The following ARHGEF18 variants were observed in gnomAD, a reference collection of about 807,000 sequenced individuals.
ARHGEF18 encodes Rho/Rac guanine nucleotide exchange factor 18.
A neutral mutation model predicts 155.7 loss-of-function variants in ARHGEF18; 93 were observed. That is an observed-to-expected ratio of 0.60 (90% CI 0.50 to 0.71). The LOEUF (loss-of-function observed/expected upper bound fraction) is 0.71, where lower values mean the gene tolerates loss of function less well. Ranked by LOEUF, ARHGEF18 falls within the 30% of genes least tolerant of loss-of-function variation. ARHGEF18 has a pLI of 0.00. For synonymous variants in ARHGEF18, 742 were observed against 753.1 expected (o/e 0.99, Z 0.24); for missense variants, 1,593 against 1,816.1 (o/e 0.88, Z 2.23).
intron 10 of ARHGEF18, chr19:7,439,669 C>G: frequency 8.4e-7 from 1 of 1,192,640 alleles, no homozygotes. Flanking sequence ...TGTTCGAGTG[C>G]TGATGACCAG....
intron 2 of ARHGEF18, among the ~76,000 whole-genome samples, chr19:7,366,380 C>G (rs936173411): frequency 6.6e-6 from 1 of 152,230 alleles, no homozygotes; most frequent in Non-Finnish European, 1.5e-5. Context: ...GCCATAGGAA[C>G]ATTTGCCATT....
chr19:7,415,176 T>G (rs1221350540), intron 10 of ARHGEF18, among the ~76,000 whole-genome samples: 2 of 152,068 alleles, frequency 1.3e-5, no homozygotes, highest in African/African-American at 4.8e-5. Flanking sequence ...TCCCATTGAA[T>G]CTCCAGGCAG....
intron 15 of ARHGEF18, among the ~76,000 whole-genome samples, chr19:7,450,723 T>C (rs372323503): frequency 2.0e-5 from 3 of 152,224 alleles, no homozygotes; most frequent in Non-Finnish European, 4.4e-5. Flanking sequence ...ATGCAAGATC[T>C]TGCTTTCCGT....
At chr19:7,420,266 AATT>A (rs1033124799) in intron 10 of ARHGEF18, among the ~76,000 whole-genome samples, 6 of 152,098 alleles carry the variant, frequency 3.9e-5, no homozygotes, top group Admixed American at 2.6e-4. Context: ...CCAGCTGAGC[AATT>A]ATTATTATTT....
chr19:7,467,294 G>A lies in ARHGEF18; in HGVS notation c.3090G>A (p.Gln1030=), dbSNP rs771587818. 1.3e-6 allele frequency: 2 copies of A among 1,544,614 alleles called. No homozygotes were observed. Among genetic ancestry groups the A allele is most frequent in the South Asian group, 1.2e-5 (1 of 84,988 alleles). ...IQEREKQFRL[Q]STRGNLLLEQ... The stretch of plus-strand genomic sequence containing the variant: ...AGCGGGAGAAGCAGTTCCGGCTGCA[G>A]TCGACGCGTGGGAACCTGCTGCTGG... Residue 1030 remains glutamine, a synonymous_variant, in exon 26 of 29, where the codon CAG becomes CAA. Transcript: ENST00000668164.
chr19:7,348,942 A>G lies in ARHGEF18; in HGVS notation c.-410A>G, dbSNP rs1264053202. 1 of 152,166 alleles carries G rather than the reference A, an allele frequency of 6.6e-6. No individual in the cohort carries two copies. Among genetic ancestry groups the G allele is most frequent in the African/African-American group, 2.4e-5 (1 of 41,432 alleles). 9.4% of individuals were successfully genotyped at this position (152,166 alleles called of 1,614,324 possible). On this transcript the variant is annotated 5_prime_UTR_variant, in exon 1 of 29. Transcript: ENST00000668164. ...GCTCCCCACCCCTCCTCCTCAAGAC[A>G]CCTGCATGCGCAGGGCTGAGGGGTG...
At chr19:7,422,272 C>T (rs1281102815) in intron 10 of ARHGEF18, among the ~76,000 whole-genome samples, 38 of 152,092 alleles carry the variant, frequency 2.5e-4, no homozygotes, top group Admixed American at 2.5e-3. Flanking sequence ...AAACGCCACG[C>T]ATGCCCCGCC....
At chr19:7,360,329 T>C (rs1969494647) in intron 1 of ARHGEF18, among the ~76,000 whole-genome samples, 1 of 151,950 alleles carries the variant, frequency 6.6e-6, no homozygotes, top group Non-Finnish European at 1.5e-5. Context: ...TGCCCTTCCC[T>C]GGCTGAAGAG....
Position 7,362,858 on chromosome 19 carries a change from T to C in ARHGEF18, c.-33T>C. On this transcript the variant is annotated 5_prime_UTR_variant, in exon 2 of 29. Coordinates refer to ENST00000668164, the MANE Select transcript of ARHGEF18 (RefSeq NM_001367823.1). ...AGCCACCAAGAGCAGCAGTGGATCCTGGAAACCTGAGAACCCAGACTTCTT... is the reference window on the plus strand; with the variant it reads ...AGCCACCAAGAGCAGCAGTGGATCCCGGAAACCTGAGAACCCAGACTTCTT... 2.4e-6 allele frequency: 3 copies of C among 1,234,358 alleles called. No homozygotes were observed. Among genetic ancestry groups the C allele is most frequent in the Non-Finnish European group, 3.0e-6 (3 of 988,180 alleles). 76.5% of individuals were successfully genotyped at this position (1,234,358 alleles called of 1,614,324 possible).
rs565428245 is a variant in ARHGEF18 at position 7,398,774 on chromosome 19, G to A, written c.967+15571G>A. On this transcript the variant is annotated intron_variant, in intron 10 of 28. Coordinates refer to ENST00000668164, the MANE Select transcript of ARHGEF18 (RefSeq NM_001367823.1). ...TTCTTGCTTAAATCGACTTGAGAATGTCCCCACTTTGAAAGGGGAAGTAGC... is the reference window on the plus strand; with the variant it reads ...TTCTTGCTTAAATCGACTTGAGAATATCCCCACTTTGAAAGGGGAAGTAGC... Among the ~76,000 whole-genome samples the A allele has an allele frequency of 4.0e-4, 61 of 152,148 alleles. No homozygotes were observed. The Middle Eastern group carries it at 0.01, about 25-fold the overall frequency.
intron 26 of ARHGEF18, among the ~76,000 whole-genome samples, chr19:7,468,586 G>A (rs1214981730): frequency 2.0e-5 from 3 of 152,196 alleles, no homozygotes; most frequent in Non-Finnish European, 4.4e-5. Context: ...ATGTGGACAC[G>A]GATGTGTGAG....
intron 10 of ARHGEF18, among the ~76,000 whole-genome samples, chr19:7,385,871 C>CTCTCTCTCTCTCTCTCCA (rs1568285796): frequency 1.5e-5 from 1 of 66,678 alleles, no homozygotes; most frequent in African/African-American, 1.0e-4. Context: ...CTCTCTCTCT[C>CTCTCTCTCTCTCTCTCCA]CCCCCTCCCT....
At chr19:7,385,865 CT>C (rs1568285762) in intron 10 of ARHGEF18, among the ~76,000 whole-genome samples, 29 of 99,840 alleles carry the variant, frequency 2.9e-4, no homozygotes, top group African/African-American at 1.2e-3. Context: ...CTCTCTCTCT[CT>C]CTCTCCCCCC....
intron 19 of ARHGEF18, among the ~76,000 whole-genome samples, chr19:7,459,118 C>T (rs1240602498): frequency 6.6e-6 from 1 of 151,970 alleles, no homozygotes; most frequent in Non-Finnish European, 1.5e-5. Flanking sequence ...AATCTCGGCT[C>T]ACTGCAGCCT....
At chr19:7,414,512 T>C (rs930155277) in intron 10 of ARHGEF18, among the ~76,000 whole-genome samples, 1 of 151,876 alleles carries the variant, frequency 6.6e-6, no homozygotes, top group Non-Finnish European at 1.5e-5. Context: ...CCATCTCTAC[T>C]AAAAATACAA....
chr19:7,421,176 C>T (rs2145676561), intron 10 of ARHGEF18, among the ~76,000 whole-genome samples: 1 of 152,244 alleles, frequency 6.6e-6, no homozygotes, highest in African/African-American at 2.4e-5. Flanking sequence ...AAGCGATCTG[C>T]CCACTTCAGC....
At chr19:7,399,306 G>A (rs76602402) in intron 10 of ARHGEF18, among the ~76,000 whole-genome samples, 4,612 of 152,136 alleles carry the variant, frequency 0.03, 108 homozygotes, top group South Asian at 0.079. Context: ...GAGAGCATTC[G>A]GTGACAGCAG....
chr19:7,384,885 A>G (rs1314575762), intron 10 of ARHGEF18, among the ~76,000 whole-genome samples: 1 of 151,938 alleles, frequency 6.6e-6, no homozygotes, highest in East Asian at 1.9e-4. Context: ...TGTAGAGACA[A>G]GGTCTCACTA....
intron 1 of ARHGEF18, 60 bp downstream of exon 1, chr19:7,349,301 G>C (rs561447765): frequency 6.6e-6 from 1 of 152,424 alleles, no homozygotes; most frequent in African/African-American, 2.4e-5. Flanking sequence ...GTGGCAGTGG[G>C]GTCTGGGAAG....
Sources: allele counts gnomAD v4.1 joint callset (sites outside exome capture counted in the v4.1 genomes callset), GRCh38; gene constraint gnomAD v4.1.1; transcripts MANE v1.5; gene names NCBI Gene and HGNC (gene_info 2026-07-23, HGNC 2026-07-21).